The following NOTCH3 variants were observed in gnomAD, a reference collection of about 807,000 sequenced individuals.
NOTCH3 encodes the protein neurogenic locus notch homolog protein 3.
A neutral mutation model predicts 213.3 loss-of-function variants in NOTCH3; 86 were observed. The ratio of observed to expected loss-of-function variants is 0.40; its 90% CI spans 0.34 to 0.48. The LOEUF is 0.48. Ranked by LOEUF, NOTCH3 falls within the 20% of genes least tolerant of loss-of-function variation. The pLI is 0.57. For missense variants in NOTCH3, 2,783 were observed against 3,272.6 expected (o/e 0.85, Z 3.65); for synonymous variants, 1,354 against 1,355.9 (o/e 1.00, Z 0.03).
chr19:15,185,540 A>G lies in NOTCH3; in HGVS notation c.2091T>C (p.His697=), dbSNP rs752741204. 1.6e-5 allele frequency: 26 copies of G among 1,612,546 alleles called. No individual in the cohort carries two copies. The highest frequency in any genetic ancestry group is 2.0e-5 in the Non-Finnish European group (24 of 1,179,674). ...GACTGCAGGGCTCATGGGCACAGGG[A>G]TGGCTCGGGGGGAGGCAGAGTGGGG... is the stretch of plus-strand genomic sequence containing the variant. ...SLPPLCLPPS[H]PCAHEPCSHG... Residue 697 remains histidine (H), a synonymous_variant, in exon 13 of 33, where the codon CAT becomes CAC. Transcript: ENST00000263388. The surrounding 1 kb of genome is among the most constrained non-coding windows in gnomAD (Gnocchi z 4.2).
intron 2 of NOTCH3, among the ~76,000 whole-genome samples, chr19:15,196,885 C>T (rs2145450216): frequency 6.6e-6 from 1 of 152,294 alleles, no homozygotes; most frequent in Admixed American, 6.5e-5. Context: ...CCAGCCTCTG[C>T]TCTGCTCCCT....
At chr19:15,164,084 AATTT>A (rs1226236656) in intron 31 of NOTCH3, among the ~76,000 whole-genome samples, 1 of 152,150 alleles carries the variant, frequency 6.6e-6, no homozygotes, top group African/African-American at 2.4e-5. Flanking sequence ...AAGTGGTGAG[AATTT>A]ATTTTTCAGG....
rs1315190907 is a variant in NOTCH3 at position 15,192,071 on chromosome 19, T to G, written c.568A>C (p.Thr190Pro). ...GCGGGGTTCTCACATAGTGGCCCTG[T>G]GTAGCCAGCTGGACACTGGCAGCGG... ...SFRCQCPAGY[T>P]GPLCENPAVP... is the part of the protein sequence containing the mutation. Residue 190 changes from threonine to proline, a missense_variant, in exon 4 of 33, where the codon ACA becomes CCA. Coordinates refer to ENST00000263388, the MANE Select transcript of NOTCH3 (RefSeq NM_000435.3). 1.9e-6 allele frequency: 3 copies of G among 1,613,086 alleles called. No homozygotes were observed. In the African/African-American group the frequency reaches 4.0e-5, roughly 22 times the overall value.
At chr19:15,170,229 G>T in intron 27 of NOTCH3, 59 bp from the exon 28 acceptor site, 1 of 1,507,706 alleles carries the variant, frequency 6.6e-7, no homozygotes, top group Non-Finnish European at 9.2e-7. Context: ...CAGCTGGGAA[G>T]GAGGATTTGG....
chr19:15,195,054 C>T (rs1204636249), intron 2 of NOTCH3, among the ~76,000 whole-genome samples: 2 of 151,948 alleles, frequency 1.3e-5, no homozygotes, highest in Non-Finnish European at 2.9e-5. Context: ...ACCACAGCTA[C>T]ACACACAGAG....
intron 16 of NOTCH3, among the ~76,000 whole-genome samples, chr19:15,182,223 T>C (rs1050280184): frequency 2.0e-5 from 3 of 151,458 alleles, no homozygotes; most frequent in African/African-American, 7.3e-5. Context: ...AAAAAAAAAA[T>C]AGGCTGGGCG....
intron 6 of NOTCH3, 62 bp from the exon 7 acceptor site, chr19:15,189,490 C>T (rs961763879): frequency 1.9e-6 from 3 of 1,569,542 alleles, no homozygotes; most frequent in East Asian, 2.2e-5. Flanking sequence ...AGGCCCACAC[C>T]CCTTGAGTAT....
At chr19:15,166,883 G>C (rs1247172292) in intron 29 of NOTCH3, among the ~76,000 whole-genome samples, 2 of 152,146 alleles carry the variant, frequency 1.3e-5, no homozygotes, top group African/African-American at 2.4e-5. Context: ...CCAGCCCCCT[G>C]GTCATACTGA....
chr19:15,194,107 GC>G (rs2058193277), intron 2 of NOTCH3, among the ~76,000 whole-genome samples: 1 of 152,012 alleles, frequency 6.6e-6, no homozygotes, highest in African/African-American at 2.4e-5. Context: ...AGATTAGCTG[GC>G]CGTGGTGGCT....
At chr19:15,195,906 G>A (rs1411887869) in intron 2 of NOTCH3, among the ~76,000 whole-genome samples, 2 of 151,536 alleles carry the variant, frequency 1.3e-5, no homozygotes, top group African/African-American at 2.4e-5. Flanking sequence ...AAGCTTTGGG[G>A]GAGACGGAGG....
At chr19:15,163,573 A>C (rs937622757) in intron 31 of NOTCH3, among the ~76,000 whole-genome samples, 6 of 152,250 alleles carry the variant, frequency 3.9e-5, no homozygotes, top group African/African-American at 1.4e-4. Flanking sequence ...GCTCACGCCT[A>C]TAATCTCAAC....
Position 15,165,565 on chromosome 19 carries a change from A to T in NOTCH3, c.5668-50T>A, listed in dbSNP as rs2046679168. 1 of 1,597,174 alleles carries T rather than the reference A, an allele frequency of 6.3e-7. No individual in the cohort carries two copies. Among genetic ancestry groups the T allele is most frequent in the East Asian group, 2.2e-5 (1 of 44,756 alleles). ...GGAGGGGTCATGGCAGGAACAGAGG[A>T]ATCAGGAGCACCCCTAAGTCCCATG... On this transcript the variant is annotated intron_variant, in intron 30 of 32. Transcript: ENST00000263388. This position sits in a 1 kb window ranked among gnomAD's most constrained non-coding sequence, Gnocchi z 4.7.
intron 25 of NOTCH3, among the ~76,000 whole-genome samples, chr19:15,172,814 C>T (rs1599371846): frequency 6.6e-6 from 1 of 151,588 alleles, no homozygotes; most frequent in East Asian, 1.9e-4. Context: ...TAAAGGCATA[C>T]ACCACCACGC....
intron 6 of NOTCH3, among the ~76,000 whole-genome samples, chr19:15,189,786 T>G (rs1310426888): frequency 6.6e-6 from 1 of 152,112 alleles, no homozygotes; most frequent in East Asian, 1.9e-4. Flanking sequence ...CCCAAAGTGC[T>G]GGGATTACAG....
chr19:15,178,340 C>T (rs2046809968), intron 23 of NOTCH3: 1 of 522,162 alleles, frequency 1.9e-6, no homozygotes, highest in Non-Finnish European at 3.4e-6. Flanking sequence ...CCCCAATCAC[C>T]ATCCTCACCC....
At chr19:15,168,667 C>G (rs1283883660) in intron 28 of NOTCH3, among the ~76,000 whole-genome samples, 3 of 151,974 alleles carry the variant, frequency 2.0e-5, no homozygotes, top group African/African-American at 7.3e-5. Context: ...AACCCCATCT[C>G]TACTAAAAAT....
chr19:15,184,154 G>C (rs910872426), intron 16 of NOTCH3, 141 bp downstream of exon 16: 2 of 844,474 alleles, frequency 2.4e-6, no homozygotes, highest in Middle Eastern at 2.6e-4. Context: ...CAACCTCCTC[G>C]GGCCTCAGTT....
At position 15,180,987 on chromosome 19, in the gene NOTCH3, C is replaced by T. The variant is rs759991207; in HGVS notation, c.2968G>A (p.Glu990Lys). The change falls in exon 18 of 33, where the codon GAG (glutamate) becomes AAG (lysine). Residue 990 changes from glutamate to lysine, a missense_variant. Glu to Lys is a moderately conservative substitution (Grantham distance 56, BLOSUM62 1). Transcript: ENST00000263388. The part of the protein sequence containing the change: ...AHPGFRCTCL[E>K]SFTGPQCQTL... The stretch of plus-strand genomic sequence containing the variant: ...TGGCACTGCGGGCCCGTGAAGCTCT[C>T]GAGGCAGGTGCAGCGGAAGCCAGGG... 48 of 1,596,420 alleles carry T rather than the reference C, an allele frequency of 3.0e-5. No homozygotes were observed. Among genetic ancestry groups the T allele is most frequent in the Non-Finnish European group, 4.1e-5 (48 of 1,172,498 alleles).
In NOTCH3 at chr19:15,160,724, GA is replaced by G. The variant is rs2046632811; in HGVS notation, c.6903del (p.Gln2302ArgfsTer27). On this transcript the variant is annotated frameshift_variant, in exon 33 of 33. Transcript: ENST00000263388. LOFTEE classifies it high-confidence loss of function. Reference sequence around the variant, plus strand: ...TGGGGCCCCAGCTGGGTCTGGGCCTGAGCAAGGGAGCTGGGAACAGACAAGG... The same window carrying G: ...TGGGGCCCCAGCTGGGTCTGGGCCTGGCAAGGGAGCTGGGAACAGACAAGG... ...PLPLSVPSSL[A>X]QAQTQLGPQP... 6.2e-7 allele frequency: 1 copy of G among 1,614,104 alleles called. No homozygotes were observed. Among genetic ancestry groups the G allele is most frequent in the South Asian group, 1.1e-5 (1 of 91,086 alleles).
Sources: allele counts gnomAD v4.1 joint callset (sites outside exome capture counted in the v4.1 genomes callset), GRCh38; gene constraint gnomAD v4.1.1; non-coding constraint Gnocchi (gnomAD v3.1); transcripts MANE v1.5; gene names NCBI Gene and HGNC (gene_info 2026-07-23, HGNC 2026-07-21).